Variants in AKAP13 observed in about 807,000 individuals in gnomAD.
AKAP13 encodes the protein A-kinase anchor protein 13.
AKAP13 carries 80 observed loss-of-function variants against 264.5 expected under a neutral mutation model. The ratio of observed to expected loss-of-function variants is 0.30; its 90% confidence interval spans 0.25 to 0.36. AKAP13 has a LOEUF of 0.36. Among genes scored for constraint, AKAP13 ranks in the 10% least tolerant of loss-of-function variants. The pLI is 1.00. For synonymous variants in AKAP13, 1,380 were observed against 1,250.2 expected (o/e 1.10, Z -2.19); for missense variants, 3,712 against 3,435.2 (o/e 1.08, Z -2.01).
Position 85,581,335 on chromosome 15 carries a change from G to A in AKAP13, c.3267G>A (p.Val1089=). 2 of 1,614,232 alleles carry A rather than the reference G, an allele frequency of 1.2e-6. No individual in the cohort carries two copies. The highest frequency in any genetic ancestry group is 1.1e-5 in the South Asian group (1 of 91,086). The change falls in exon 7 of 37, where the codon GTG becomes GTA. Residue 1089 remains valine (V), a synonymous_variant. Transcript: ENST00000394518. ...SACEVSGDVT[V]DVTGVNALQG... is the part of the protein sequence containing the mutation. The stretch of plus-strand genomic sequence containing the variant: ...GTGAGGTGAGTGGAGATGTGACGGT[G>A]GATGTTACAGGGGTTAATGCTCTAC...
rs1490049725 is a variant in AKAP13, at chr15:85,619,346, G to T, written c.4162-20028G>T. ...AAAAGGGAGGAGGAGGCTGGCTAGGGAGGGAAGGAGGGAGGGAGGGAGTAC... is the reference window on the plus strand; with the variant it reads ...AAAAGGGAGGAGGAGGCTGGCTAGGTAGGGAAGGAGGGAGGGAGGGAGTAC... On this transcript the variant is annotated intron_variant, in intron 8 of 36. Transcript: ENST00000394518. 4.1e-6 allele frequency: 4 copies of T among 984,374 alleles called. No individual in the cohort carries two copies. The African/African-American group carries it at 5.2e-5, about 13-fold the overall frequency. 61.0% of individuals were successfully genotyped at this position (984,374 alleles called of 1,614,324 possible).
intron 8 of AKAP13, among the ~76,000 whole-genome samples, chr15:85,636,596 T>C (rs374013971): frequency 8.7e-5 from 13 of 149,612 alleles, no homozygotes; most frequent in Middle Eastern, 3.4e-3. Flanking sequence ...TTATCATGAA[T>C]AGATGTTGAA....
intron 31 of AKAP13, among the ~76,000 whole-genome samples, 166 bp from the exon 32 acceptor site, chr15:85,735,394 G>A (rs534372253): frequency 2.0e-5 from 3 of 152,144 alleles, no homozygotes; most frequent in South Asian, 2.1e-4. Flanking sequence ...TTCTGCATCC[G>A]TAAAATTATT....
chr15:85,547,748 G>C (rs1209006178), intron 5 of AKAP13, among the ~76,000 whole-genome samples: 1 of 152,166 alleles, frequency 6.6e-6, no homozygotes, highest in African/African-American at 2.4e-5. Context: ...GTAAATGAAA[G>C]AATTCATGTA....
At chr15:85,567,257 A>G (rs1329667720) in intron 5 of AKAP13, among the ~76,000 whole-genome samples, 1 of 151,748 alleles carries the variant, frequency 6.6e-6, no homozygotes, top group Non-Finnish European at 1.5e-5. Context: ...ACAGGCGTGT[A>G]CCACCACACC....
At position 85,684,701 on chromosome 15, in the gene AKAP13, T is replaced by TA. The variant is rs761140162; in HGVS notation, c.5157-39dup. The stretch of plus-strand genomic sequence containing the variant: ...CTGCTTCACTTTTATTTAACTTCTG[T>TA]AGCCCTTTAAAAAAAATCAATCTTC... On this transcript the variant is annotated intron_variant, in intron 15 of 36. Coordinates refer to ENST00000394518, the MANE Select transcript of AKAP13 (RefSeq NM_007200.5). The TA allele has an allele frequency of 3.2e-6, 5 of 1,586,092 alleles. No homozygotes were observed. In the South Asian group the frequency reaches 5.7e-5, roughly 18 times the overall value.
chr15:85,693,459 A>G lies in AKAP13; in HGVS notation c.5464+8A>G. On this transcript the variant is annotated splice_region_variant and intron_variant, in intron 17 of 36. Coordinates refer to ENST00000394518, the MANE Select transcript of AKAP13 (RefSeq NM_007200.5). ...ATGCCTATACTTGTGCAAGTAAGAG[A>G]CATGCTTCTTCCTCTCGTAAGATGG... 4 of 1,610,648 alleles carry G rather than the reference A, an allele frequency of 2.5e-6. No individual in the cohort carries two copies. The highest frequency in any genetic ancestry group is 3.4e-6 in the Non-Finnish European group (4 of 1,179,128).
intron 1 of AKAP13, among the ~76,000 whole-genome samples, chr15:85,447,985 C>G (rs995633992): frequency 2.0e-5 from 3 of 152,206 alleles, no homozygotes; most frequent in Non-Finnish European, 4.4e-5. Flanking sequence ...TACCAACTCA[C>G]CAGCAGTGTA....
At chr15:85,711,054 C>T (rs1057172503) in intron 19 of AKAP13, among the ~76,000 whole-genome samples, 9 of 151,640 alleles carry the variant, frequency 5.9e-5, no homozygotes, top group African/African-American at 1.5e-4. Flanking sequence ...CTCTCTCTGT[C>T]GCCCAGGCTG....
chr15:85,530,712 C>T (rs1465596224), intron 3 of AKAP13, among the ~76,000 whole-genome samples: 1 of 152,144 alleles, frequency 6.6e-6, no homozygotes, highest in Admixed American at 6.5e-5. Flanking sequence ...ATTCTGTTGA[C>T]GAACCACAGC....
chr15:85,403,864 A>T (rs1398337499), intron 1 of AKAP13, among the ~76,000 whole-genome samples: 1 of 151,578 alleles, frequency 6.6e-6, no homozygotes, highest in African/African-American at 2.4e-5. Context: ...AAAAAAAAAA[A>T]ATCTGACGTG....
At chr15:85,682,623 A>G (rs1410093320) in intron 15 of AKAP13, among the ~76,000 whole-genome samples, 1 of 152,178 alleles carries the variant, frequency 6.6e-6, no homozygotes, top group African/African-American at 2.4e-5. Context: ...TTTCTTCTGT[A>G]TACATGTAAA....
chr15:85,625,264 T>G (rs1445168068), intron 8 of AKAP13, among the ~76,000 whole-genome samples: 1 of 152,212 alleles, frequency 6.6e-6, no homozygotes, highest in Non-Finnish European at 1.5e-5. Flanking sequence ...TCCAAAAGGG[T>G]AAATCTGAAT....
intron 1 of AKAP13, among the ~76,000 whole-genome samples, chr15:85,437,618 C>T (rs958204255): frequency 1.4e-4 from 21 of 152,218 alleles, no homozygotes; most frequent in Middle Eastern, 3.4e-3. Flanking sequence ...AAAGCTTATC[C>T]GCCATGATCA....
intron 1 of AKAP13, among the ~76,000 whole-genome samples, chr15:85,456,795 G>C (rs555075988): frequency 1.3e-5 from 2 of 152,130 alleles, no homozygotes; most frequent in East Asian, 3.9e-4. Context: ...TTTCCTTATA[G>C]CTCATGTTGA....
intron 8 of AKAP13, chr15:85,619,715 C>T (rs1179423680): frequency 5.0e-6 from 5 of 1,003,044 alleles, no homozygotes; most frequent in East Asian, 2.0e-4. Context: ...TATGCTTAGC[C>T]AGTTTATTCT....
chr15:85,501,720 A>G (rs551598542), intron 2 of AKAP13, among the ~76,000 whole-genome samples: 11 of 152,362 alleles, frequency 7.2e-5, no homozygotes, highest in Admixed American at 2.0e-4. Context: ...TGCTGAGGTC[A>G]TGCAGCTAGT....
Position 85,729,094 on chromosome 15 carries a change from T to A in AKAP13, c.7088-1419T>A, listed in dbSNP as rs575988739. 2.6e-5 allele frequency among the ~76,000 whole-genome samples: 4 copies of A among 151,558 alleles called. No individual in the cohort carries two copies. The South Asian group carries it at 6.3e-4, about 24-fold the overall frequency. Reference sequence around the variant, plus strand: ...GGCGGGCGGATCACAAGGTCAGGAGTTCGAGACCAGCCTGACCAACATGGT... The same window carrying A: ...GGCGGGCGGATCACAAGGTCAGGAGATCGAGACCAGCCTGACCAACATGGT... On this transcript the variant is annotated intron_variant, in intron 29 of 36. Transcript: ENST00000394518.
intron 8 of AKAP13, among the ~76,000 whole-genome samples, chr15:85,613,263 C>CA (rs1437781042): frequency 2.0e-5 from 3 of 152,150 alleles, no homozygotes; most frequent in African/African-American, 7.2e-5. Flanking sequence ...GAATGCCATA[C>CA]ATTTAGTATG....
Sources: allele counts gnomAD v4.1 joint callset (sites outside exome capture counted in the v4.1 genomes callset), GRCh38; gene constraint gnomAD v4.1.1; transcripts MANE v1.5; gene names NCBI Gene and HGNC (gene_info 2026-07-23, HGNC 2026-07-21).